GRID2: variants seen among roughly 807,000 people sequenced by gnomAD.
GRID2 encodes glutamate ionotropic receptor delta type subunit 2.
GRID2 carries 33 observed loss-of-function variants against 114.8 expected under a neutral mutation model. The ratio of observed to expected loss-of-function variants is 0.29; its 90% CI spans 0.22 to 0.38. The LOEUF is 0.38. GRID2 is among the 10% of genes least tolerant of loss of function. GRID2 has a pLI of 1.00. For missense variants in GRID2, 1,184 were observed against 1,257.7 expected, an observed-to-expected ratio of 0.94 and a Z score of 0.89; for synonymous variants, 505 against 449.9, an observed-to-expected ratio of 1.12 and a Z score of -1.55.
At chr4:93,742,081 A>G (rs986212261) in intron 14 of GRID2, among the ~76,000 whole-genome samples, 4 of 152,190 alleles carry the variant, frequency 2.6e-5, no homozygotes, top group African/African-American at 9.7e-5. Flanking sequence ...AATACAATTA[A>G]ACTTTTTTTC....
At chr4:93,079,672 C>G (rs74331657) in intron 2 of GRID2, among the ~76,000 whole-genome samples, 183 of 152,104 alleles carry the variant, frequency 1.2e-3, no homozygotes, top group African/African-American at 4.1e-3. Flanking sequence ...ATAATAATAG[C>G]TTTTCTGCAC....
intron 2 of GRID2, among the ~76,000 whole-genome samples, chr4:92,907,286 G>A (rs1021331962): frequency 6.6e-6 from 1 of 152,080 alleles, no homozygotes; most frequent in Non-Finnish European, 1.5e-5. Flanking sequence ...TGTCTCATCT[G>A]TCCTGCACTC....
chr4:93,760,857 C>T (rs922429697), intron 14 of GRID2, among the ~76,000 whole-genome samples: 1 of 152,144 alleles, frequency 6.6e-6, no homozygotes, highest in African/African-American at 2.4e-5. Flanking sequence ...AATATCTGCT[C>T]ATATCGCCTT....
At chr4:93,441,078 T>G (rs1721580493) in intron 10 of GRID2, among the ~76,000 whole-genome samples, 2 of 152,082 alleles carry the variant, frequency 1.3e-5, no homozygotes, top group Non-Finnish European at 2.9e-5. Context: ...CAGCTGAAGC[T>G]GTGATGAGAA....
At chr4:93,401,088 G>A (rs542551506) in intron 9 of GRID2, among the ~76,000 whole-genome samples, 1 of 151,258 alleles carries the variant, frequency 6.6e-6, no homozygotes, top group East Asian at 1.9e-4. Context: ...CCAAAGTATT[G>A]GGATTACAGG....
chr4:92,890,902 G>A (rs1340287007), intron 2 of GRID2, among the ~76,000 whole-genome samples: 7 of 152,084 alleles, frequency 4.6e-5, no homozygotes, highest in Non-Finnish European at 8.8e-5. Flanking sequence ...AGAAAATGTG[G>A]CACATATACA....
intron 2 of GRID2, among the ~76,000 whole-genome samples, chr4:92,954,206 T>C (rs1414318028): frequency 6.6e-6 from 1 of 152,074 alleles, no homozygotes; most frequent in Non-Finnish European, 1.5e-5. Flanking sequence ...TGTGTGTATA[T>C]ATGTATACAC....
chr4:92,974,784 T>C (rs1753749580), intron 2 of GRID2, among the ~76,000 whole-genome samples: 1 of 152,026 alleles, frequency 6.6e-6, no homozygotes, highest in African/African-American at 2.4e-5. Flanking sequence ...TGTACATCTA[T>C]GTAACAAAAC....
intron 2 of GRID2, among the ~76,000 whole-genome samples, chr4:92,615,115 C>T (rs1233360504): frequency 6.6e-6 from 1 of 151,428 alleles, no homozygotes; most frequent in East Asian, 1.9e-4. Flanking sequence ...AACAATGTGC[C>T]AACAGTTCCA....
At chr4:92,898,250 A>T (rs1297942395) in intron 2 of GRID2, among the ~76,000 whole-genome samples, 1 of 152,124 alleles carries the variant, frequency 6.6e-6, no homozygotes, top group Non-Finnish European at 1.5e-5. Flanking sequence ...GCAAAATGAG[A>T]ACATAAACAT....
chr4:93,430,132 A>G (rs1007540582), intron 10 of GRID2, among the ~76,000 whole-genome samples: 51 of 152,138 alleles, frequency 3.4e-4, no homozygotes, highest in African/African-American at 1.2e-3. Flanking sequence ...TGCATTAACA[A>G]TAGAAAGCAT....
intron 2 of GRID2, among the ~76,000 whole-genome samples, chr4:92,625,881 A>C (rs573356506): frequency 6.6e-6 from 1 of 152,030 alleles, no homozygotes; most frequent in South Asian, 2.1e-4. Context: ...ACCTAAAACG[A>C]TTAGCCATGT....
chr4:92,397,354 GTGTGTGTGTGTGT>G (rs1730546554), intron 1 of GRID2, among the ~76,000 whole-genome samples: 2 of 64,076 alleles, frequency 3.1e-5, no homozygotes, highest in Non-Finnish European at 6.3e-5. Context: ...GTGTGTGTGT[GTGTGTGTGTGTGT>G]GTGTGTGTGT....
intron 2 of GRID2, among the ~76,000 whole-genome samples, chr4:92,593,889 C>T: frequency 7.0e-6 from 1 of 142,500 alleles, no homozygotes; most frequent in South Asian, 2.2e-4. Flanking sequence ...ATTTTGGTAT[C>T]TAGGATGTAG....
intron 2 of GRID2, among the ~76,000 whole-genome samples, chr4:93,069,731 G>T (rs1228131277): frequency 6.6e-6 from 1 of 152,064 alleles, no homozygotes; most frequent in East Asian, 1.9e-4. Flanking sequence ...CATCTTGTCG[G>T]TCAATCACTG....
rs139689521 is a variant in GRID2 at position 93,057,162 on chromosome 4, CTG to C, written c.245-27809_245-27808del. On this transcript the variant is annotated intron_variant, in intron 2 of 15. Coordinates refer to ENST00000282020, the MANE Select transcript of GRID2 (RefSeq NM_001510.4). ...GAAGTGTGTGAGTGTGTATGTGTGT[CTG>C]TGTGTGTGTGTGTGTGTGTGTGTTA... Among the ~76,000 whole-genome samples, 203 of 147,534 alleles carry C rather than the reference CTG, an allele frequency of 1.4e-3. 1 individual carries two copies. Among genetic ancestry groups the C allele is most frequent in the South Asian group, 0.012 (55 of 4,682 alleles).
chr4:93,430,641 T>C lies in GRID2; in HGVS notation c.1545+7673T>C, dbSNP rs144390163. On this transcript the variant is annotated intron_variant, in intron 10 of 15. Transcript: ENST00000282020. ...TATGCACTGTGCTAGGCACTGGAGATACAAAGATAAATAAAACATGGTTCT... is the reference window on the plus strand; with the variant it reads ...TATGCACTGTGCTAGGCACTGGAGACACAAAGATAAATAAAACATGGTTCT... 6.3e-3 allele frequency among the ~76,000 whole-genome samples: 960 copies of C among 152,324 alleles called. 7 individuals are homozygous for C. Among genetic ancestry groups the C allele is most frequent in the African/African-American group, 0.022 (907 of 41,574 alleles).
At chr4:92,722,737 G>C (rs1231323237) in intron 2 of GRID2, among the ~76,000 whole-genome samples, 2 of 152,060 alleles carry the variant, frequency 1.3e-5, no homozygotes, top group Non-Finnish European at 1.5e-5. Context: ...TTTAGTGTCT[G>C]CTGGGGTTAG....
At chr4:93,437,332 C>T (rs1721192626) in intron 10 of GRID2, among the ~76,000 whole-genome samples, 1 of 152,134 alleles carries the variant, frequency 6.6e-6, no homozygotes, top group Admixed American at 6.6e-5. Context: ...TATTCAAATT[C>T]AGGAAGTTTG....
Sources: allele counts gnomAD v4.1 joint callset (sites outside exome capture counted in the v4.1 genomes callset), GRCh38; gene constraint gnomAD v4.1.1; transcripts MANE v1.5; gene names NCBI Gene and HGNC (gene_info 2026-07-23, HGNC 2026-07-21).